The following SLC25A21 variants were observed in gnomAD, a reference collection of about 807,000 sequenced individuals.
SLC25A21 encodes mitochondrial 2-oxodicarboxylate carrier.
SLC25A21 carries 47 observed loss-of-function variants against 43.8 expected under a neutral mutation model. That is an observed-to-expected ratio of 1.07 (90% CI 0.85 to 1.37). The LOEUF is 1.37. Ranked by LOEUF, SLC25A21 falls within the 40% of genes most tolerant of loss-of-function variation. SLC25A21 has a pLI of 0.00. For missense variants in SLC25A21, 352 were observed against 350.2 expected (o/e 1.00, Z -0.04); for synonymous variants, 131 against 121.3 (o/e 1.08, Z -0.52).
intron 1 of SLC25A21, among the ~76,000 whole-genome samples, chr14:37,147,844 C>CTTTTTTT (rs61239254): frequency 8.7e-5 from 11 of 126,244 alleles, no homozygotes; most frequent in Non-Finnish European, 1.6e-4. Flanking sequence ...TTTTTCTTTT[C>CTTTTTTT]TTTTTTTTTT....
intron 1 of SLC25A21, among the ~76,000 whole-genome samples, chr14:36,960,128 A>T (rs994421367): frequency 2.6e-5 from 4 of 152,194 alleles, no homozygotes; most frequent in Admixed American, 2.6e-4. Context: ...GAAAAACTGT[A>T]ATCTAATCAT....
chr14:36,703,763 T>G (rs542450288), intron 7 of SLC25A21, among the ~76,000 whole-genome samples: 1 of 152,258 alleles, frequency 6.6e-6, no homozygotes, highest in Non-Finnish European at 1.5e-5. Flanking sequence ...TTTTAATGAT[T>G]TTTATTTGCA....
chr14:36,876,715 G>T (rs535100373), intron 1 of SLC25A21, among the ~76,000 whole-genome samples: 2 of 151,964 alleles, frequency 1.3e-5, no homozygotes, highest in Non-Finnish European at 2.9e-5. Context: ...TACCCATGAT[G>T]ATACCAGTTC....
chr14:36,872,232 CA>C (rs1264920572), intron 2 of SLC25A21, among the ~76,000 whole-genome samples: 1 of 152,080 alleles, frequency 6.6e-6, no homozygotes, highest in African/African-American at 2.4e-5. Flanking sequence ...TGGAGTATGG[CA>C]AAATAAATGT....
At chr14:36,961,926 A>C (rs1382731729) in intron 1 of SLC25A21, among the ~76,000 whole-genome samples, 2 of 152,092 alleles carry the variant, frequency 1.3e-5, no homozygotes, top group African/African-American at 4.8e-5. Context: ...ATTTCCCATA[A>C]AAACCATGAT....
intron 1 of SLC25A21, among the ~76,000 whole-genome samples, chr14:37,055,651 G>A (rs1477673129): frequency 1.3e-5 from 2 of 152,066 alleles, no homozygotes; most frequent in African/African-American, 2.4e-5. Context: ...CTCTCCAGGT[G>A]ACAGTCTAGC....
chr14:36,955,646 T>C (rs554811522), intron 1 of SLC25A21, among the ~76,000 whole-genome samples: 1 of 152,314 alleles, frequency 6.6e-6, no homozygotes, highest in East Asian at 1.9e-4. Flanking sequence ...GTATGATAAA[T>C]GTGGTAAAAG....
chr14:37,032,334 G>C (rs1305158102), intron 1 of SLC25A21, among the ~76,000 whole-genome samples: 1 of 152,058 alleles, frequency 6.6e-6, no homozygotes, highest in African/African-American at 2.4e-5. Context: ...ACGAGATCGA[G>C]ACCATCCTGG....
intron 1 of SLC25A21, among the ~76,000 whole-genome samples, chr14:37,171,061 C>T (rs905254420): frequency 2.9e-5 from 4 of 136,586 alleles, no homozygotes; most frequent in African/African-American, 5.4e-5. Context: ...AATCCAGCTC[C>T]GGTGCCTTCC....
Position 36,679,391 on chromosome 14 carries a change from A to AAAT in SLC25A21, c.*1264_*1266dup. The AAAT allele has an allele frequency of 1.0e-6, 1 of 980,734 alleles. No homozygotes were observed. The highest frequency in any genetic ancestry group is 1.1e-4 in the East Asian group (1 of 8,796). 60.8% of individuals were successfully genotyped at this position (980,734 alleles called of 1,614,324 possible). A position where few individuals can be genotyped will look rare whatever the true frequency, so the allele number is the denominator to read the frequency against. ...TGTTATCTTTTACTTTTTATTTTCA[A>AAAT]AATGCTTTAGTGAAATAGCCCCGTA... On this transcript the variant is annotated 3_prime_UTR_variant, in exon 10 of 10. Transcript: ENST00000331299.
chr14:36,996,438 T>C (rs911005), intron 1 of SLC25A21, among the ~76,000 whole-genome samples: 16,079 of 152,202 alleles, frequency 0.11, 1,043 homozygotes, highest in African/African-American at 0.18. Context: ...CCTAGATTCT[T>C]TACTTTCTAG....
intron 1 of SLC25A21, among the ~76,000 whole-genome samples, chr14:37,036,784 T>C (rs572442520): frequency 5.3e-5 from 8 of 152,284 alleles, no homozygotes; most frequent in African/African-American, 1.9e-4. Context: ...AAGTGGTTTC[T>C]CAACATGAAT....
chr14:36,705,843 C>A (rs1177165440), intron 7 of SLC25A21, among the ~76,000 whole-genome samples: 1 of 152,062 alleles, frequency 6.6e-6, no homozygotes, highest in Non-Finnish European at 1.5e-5. Flanking sequence ...GAAACAATAA[C>A]CCTGTAAACA....
chr14:36,732,482 T>C (rs1326684425), intron 4 of SLC25A21, among the ~76,000 whole-genome samples: 1 of 152,170 alleles, frequency 6.6e-6, no homozygotes, highest in East Asian at 1.9e-4. Flanking sequence ...ATATTAACTC[T>C]GTCTAATTTG....
Position 36,678,414 on chromosome 14 carries a change from C to T in SLC25A21, c.*2244G>A, listed in dbSNP as rs966551035. On this transcript the variant is annotated 3_prime_UTR_variant, in exon 10 of 10. Coordinates refer to ENST00000331299, the MANE Select transcript of SLC25A21 (RefSeq NM_030631.4). Reference sequence around the variant, plus strand: ...TCAGGAGAAGAATAAGCAGAAGGAGCAGATGAACTCTCAGGGCCATAGTCT... The same window carrying T: ...TCAGGAGAAGAATAAGCAGAAGGAGTAGATGAACTCTCAGGGCCATAGTCT... 4 of 1,220,342 alleles carry T rather than the reference C, an allele frequency of 3.3e-6. No homozygotes were observed. Among genetic ancestry groups the T allele is most frequent in the African/African-American group, 1.5e-5 (1 of 66,584 alleles). The allele number at this position is 1,220,342 out of a possible 1,614,324, so 75.6% of individuals were successfully genotyped here. A position where few individuals can be genotyped will look rare whatever the true frequency, so the allele number is the denominator to read the frequency against.
At chr14:37,111,344 G>A (rs1463621140) in intron 1 of SLC25A21, among the ~76,000 whole-genome samples, 5 of 151,994 alleles carry the variant, frequency 3.3e-5, no homozygotes, top group African/African-American at 7.2e-5. Flanking sequence ...AGATCACTTC[G>A]GTGATTATGG....
chr14:37,124,631 A>T (rs1566898458), intron 1 of SLC25A21, among the ~76,000 whole-genome samples: 1 of 152,204 alleles, frequency 6.6e-6, no homozygotes, highest in Non-Finnish European at 1.5e-5. Flanking sequence ...AGATATCACC[A>T]AATGCAAACA....
chr14:36,875,959 T>C (rs1242331894), intron 1 of SLC25A21, among the ~76,000 whole-genome samples: 1 of 152,206 alleles, frequency 6.6e-6, no homozygotes, highest in Admixed American at 6.5e-5. Flanking sequence ...TAGTTACCTA[T>C]ATATGGATGG....
At chr14:36,829,744 C>T (rs1038616551) in intron 2 of SLC25A21, among the ~76,000 whole-genome samples, 1 of 152,198 alleles carries the variant, frequency 6.6e-6, no homozygotes, top group Non-Finnish European at 1.5e-5. Context: ...ATAAGGACAT[C>T]ACGCAAACGT....
Sources: allele counts gnomAD v4.1 joint callset (sites outside exome capture counted in the v4.1 genomes callset), GRCh38; gene constraint gnomAD v4.1.1; transcripts MANE v1.5; gene names NCBI Gene and HGNC (gene_info 2026-07-23, HGNC 2026-07-21).